The following SERINC5 variants were observed in gnomAD, a reference collection of about 807,000 sequenced individuals.
The protein encoded by SERINC5 is serine incorporator 5.
In SERINC5, 41 loss-of-function variants were observed where a neutral mutation model predicts 63.1. The ratio of observed to expected loss-of-function variants is 0.65; its 90% CI spans 0.51 to 0.84. The LOEUF is 0.84. Ranked by LOEUF, SERINC5 falls within the 40% of genes least tolerant of loss-of-function variation. The pLI is 0.00. For synonymous variants in SERINC5, 222 were observed against 215.2 expected, an observed-to-expected ratio of 1.03 and a Z score of -0.28; for missense variants, 523 against 573.0, an observed-to-expected ratio of 0.91 and a Z score of 0.89.
intron 7 of SERINC5, among the ~76,000 whole-genome samples, chr5:80,160,290 T>TA (rs1484365163): frequency 6.6e-6 from 1 of 152,162 alleles, no homozygotes; most frequent in Non-Finnish European, 1.5e-5. Context: ...TAAGAAAAAC[T>TA]GAGTTATTCT....
chr5:80,152,800 G>T (rs1303830753), intron 8 of SERINC5, among the ~76,000 whole-genome samples: 2 of 152,120 alleles, frequency 1.3e-5, no homozygotes, highest in East Asian at 3.9e-4. Context: ...AATTAGCCAG[G>T]TGTGGTGGCC....
At chr5:80,133,210 T>C (rs929731587) in intron 11 of SERINC5, among the ~76,000 whole-genome samples, 1 of 152,194 alleles carries the variant, frequency 6.6e-6, no homozygotes, top group African/African-American at 2.4e-5. Context: ...CCAGTACCAA[T>C]GCTTATACTG....
chr5:80,119,815 C>A (rs1744473423), intron 11 of SERINC5, among the ~76,000 whole-genome samples: 1 of 152,198 alleles, frequency 6.6e-6, no homozygotes, highest in Non-Finnish European at 1.5e-5. Context: ...TTAAACAAAG[C>A]TTCAACAGAG....
intron 9 of SERINC5, among the ~76,000 whole-genome samples, chr5:80,149,417 A>T (rs1746027571): frequency 6.6e-6 from 1 of 152,166 alleles, no homozygotes; most frequent in Non-Finnish European, 1.5e-5. Flanking sequence ...GGCTCACTAT[A>T]TCCAGGTCAG....
downstream of SERINC5, among the ~76,000 whole-genome samples, chr5:80,135,650 G>A (rs896750244): frequency 2.0e-5 from 3 of 152,078 alleles, no homozygotes; most frequent in Non-Finnish European, 4.4e-5. Context: ...GACGATGGAC[G>A]TGGCAACATG....
At chr5:80,163,910 C>T (rs948537340) in intron 7 of SERINC5, among the ~76,000 whole-genome samples, 2 of 152,068 alleles carry the variant, frequency 1.3e-5, no homozygotes, top group African/African-American at 2.4e-5. Context: ...GAGTTCTCTC[C>T]TCCTCCATTT....
intron 1 of SERINC5, among the ~76,000 whole-genome samples, chr5:80,250,131 G>A (rs1752338975): frequency 6.6e-6 from 1 of 152,176 alleles, no homozygotes; most frequent in Non-Finnish European, 1.5e-5. Context: ...AAGAAGAGAG[G>A]AAACATCCTT....
intron 1 of SERINC5, among the ~76,000 whole-genome samples, chr5:80,208,593 TCA>T (rs1750285262): frequency 6.6e-6 from 1 of 152,106 alleles, no homozygotes; most frequent in African/African-American, 2.4e-5. Context: ...AAGCACTGAA[TCA>T]CAGAGAATAC....
chr5:80,147,902 A>C (rs966615631), intron 9 of SERINC5, among the ~76,000 whole-genome samples: 3 of 152,152 alleles, frequency 2.0e-5, no homozygotes, highest in African/African-American at 7.2e-5. Context: ...AGCTGAGGAA[A>C]CTGAGGTCAG....
intron 2 of SERINC5, among the ~76,000 whole-genome samples, chr5:80,179,368 A>C (rs1748274117): frequency 6.6e-6 from 1 of 152,234 alleles, no homozygotes; most frequent in South Asian, 2.1e-4. Context: ...AAATCCCATC[A>C]CATTCTTTTT....
chr5:80,245,955 G>A (rs1341895477), intron 1 of SERINC5, among the ~76,000 whole-genome samples: 1 of 100,818 alleles, frequency 9.9e-6, no homozygotes, highest in African/African-American at 3.9e-5. Context: ...TTTAGGGATT[G>A]TCAGCTCTTT....
intron 1 of SERINC5, among the ~76,000 whole-genome samples, chr5:80,209,417 G>C (rs1487461538): frequency 6.6e-6 from 1 of 152,226 alleles, no homozygotes; most frequent in Non-Finnish European, 1.5e-5. Flanking sequence ...GGCCTCAGAA[G>C]AAAGTGACCC....
At position 80,158,978 on chromosome 5, in the gene SERINC5, CAA is replaced by C. The variant is rs781094985; in HGVS notation, c.860-18_860-17del. On this transcript the variant is annotated splice_polypyrimidine_tract_variant and intron_variant, in intron 7 of 11. Transcript: ENST00000507668. The stretch of plus-strand genomic sequence containing the variant: ...TCATCTAGAACTTGAAAAGAAAAAA[CAA>C]AGTCATCACAGTCAAGTACAAAGGC... The C allele has an allele frequency of 1.9e-6, 3 of 1,612,872 alleles. No individual in the cohort carries two copies. The highest frequency in any genetic ancestry group is 1.7e-6 in the Non-Finnish European group (2 of 1,179,682).
intron 1 of SERINC5, among the ~76,000 whole-genome samples, chr5:80,229,552 G>C (rs1026207594): frequency 2.0e-5 from 3 of 152,128 alleles, no homozygotes; most frequent in Admixed American, 6.6e-5. Flanking sequence ...ACAAAAAATT[G>C]CTCCTTAATG....
intron 1 of SERINC5, among the ~76,000 whole-genome samples, chr5:80,242,433 C>T (rs1047207365): frequency 6.6e-6 from 1 of 152,078 alleles, no homozygotes; most frequent in Admixed American, 6.6e-5. Context: ...GCCTGGTCAA[C>T]ATGGCGAAAT....
rs1463392570 is a variant in SERINC5, at chr5:80,143,613, G to A, written c.*50C>T. ...GCCCCGGGGACACTGTTCAAAAGAT[G>A]GCACTTTCCAGGCTGTAGGCCCACA... On this transcript the variant is annotated 3_prime_UTR_variant, in exon 12 of 12. Coordinates refer to ENST00000507668, the MANE Select transcript of SERINC5 (RefSeq NM_001174072.3). 1 of 1,524,004 alleles carries A rather than the reference G, an allele frequency of 6.6e-7. No homozygotes were observed. Among genetic ancestry groups the A allele is most frequent in the South Asian group, 1.2e-5 (1 of 83,648 alleles). 94.4% of individuals were successfully genotyped at this position (1,524,004 alleles called of 1,614,324 possible).
At chr5:80,199,628 G>T (rs1035007657) in intron 2 of SERINC5, among the ~76,000 whole-genome samples, 2 of 152,194 alleles carry the variant, frequency 1.3e-5, no homozygotes, top group African/African-American at 4.8e-5. Context: ...TTATCATTAT[G>T]AAATTCACGT....
intron 2 of SERINC5, among the ~76,000 whole-genome samples, chr5:80,193,517 TA>T (rs1749326566): frequency 6.6e-6 from 1 of 152,210 alleles, no homozygotes; most frequent in African/African-American, 2.4e-5. Context: ...AGACCAATCC[TA>T]AAAGAGATCC....
chr5:80,137,237 A>T (rs1745239377), downstream of SERINC5, among the ~76,000 whole-genome samples: 1 of 151,916 alleles, frequency 6.6e-6, no homozygotes, highest in South Asian at 2.1e-4. Context: ...GTATATACCC[A>T]AAGGGAATGA....
Sources: allele counts gnomAD v4.1 joint callset (sites outside exome capture counted in the v4.1 genomes callset), GRCh38; gene constraint gnomAD v4.1.1; transcripts MANE v1.5; gene names NCBI Gene and HGNC (gene_info 2026-07-23, HGNC 2026-07-21).